SDE2: variants seen among roughly 807,000 people sequenced by gnomAD.
SDE2 encodes splicing regulator SDE2.
SDE2 carries 31 observed loss-of-function variants against 46.9 expected under a neutral mutation model. The observed-to-expected ratio is 0.66, with a 90% CI of 0.50 to 0.89. The LOEUF is 0.89. SDE2 is among the 40% of genes least tolerant of loss of function. The pLI, the probability that SDE2 is intolerant of heterozygous loss-of-function variation, is 0.00. For synonymous variants in SDE2, 205 were observed against 204.3 expected (o/e 1.00, Z -0.03); for missense variants, 542 against 564.4 (o/e 0.96, Z 0.40).
In SDE2 at chr1:225,990,852, G is replaced by A. The variant is rs1029420423; in HGVS notation, c.641+391C>T. 5.9e-5 allele frequency among the ~76,000 whole-genome samples: 9 copies of A among 152,150 alleles called. No individual in the cohort carries two copies. The South Asian group carries it at 6.2e-4, about 11-fold the overall frequency. ...CTTTTTACCCTCAAGTGCGAAAGTG[G>A]TGAAGAGAAGTCTGGCAAAGTGACC... On this transcript the variant is annotated intron_variant, in intron 5 of 6. Coordinates refer to ENST00000272091, the MANE Select transcript of SDE2 (RefSeq NM_152608.4).
intron 2 of SDE2, among the ~76,000 whole-genome samples, chr1:225,993,661 C>T (rs1256869433): frequency 6.6e-6 from 1 of 151,578 alleles, no homozygotes; most frequent in African/African-American, 2.4e-5. Context: ...CCAAGATTCT[C>T]AGATTAAGAA....
At chr1:225,996,083 T>C (rs1440682716) in intron 1 of SDE2, among the ~76,000 whole-genome samples, 1 of 152,146 alleles carries the variant, frequency 6.6e-6, no homozygotes, top group East Asian at 1.9e-4. Flanking sequence ...TATGTGATTA[T>C]AGTTCTCTAT....
intron 1 of SDE2, among the ~76,000 whole-genome samples, chr1:225,997,829 G>A (rs1311368687): frequency 6.6e-6 from 1 of 152,142 alleles, no homozygotes; most frequent in Non-Finnish European, 1.5e-5. Flanking sequence ...TTGTCAGCAA[G>A]TTTGAAAACT....
In SDE2 at chr1:225,999,207, G is replaced by A. The variant is rs374605550; in HGVS notation, c.106C>T (p.His36Tyr). Residue 36 changes from histidine to tyrosine, a missense_variant, in exon 1 of 7, where the codon CAC becomes TAC. This residue lies in a region of SDE2 where 135 missense variants were observed against 106.5 expected (regional missense o/e 1.27). Coordinates refer to ENST00000272091, the MANE Select transcript of SDE2 (RefSeq NM_152608.4). ...GAAATCCTCACCTGATCTTGGCAGTGCCGGTGGATAAAATCCCGGACGGTG... is the reference window on the plus strand; with the variant it reads ...GAAATCCTCACCTGATCTTGGCAGTACCGGTGGATAAAATCCCGGACGGTG... Reference protein sequence around the residue: ...RCTVRDFIHRHCQDQNVPVEN... With the variant: ...RCTVRDFIHRYCQDQNVPVEN... 9 of 1,612,456 alleles carry A rather than the reference G, an allele frequency of 5.6e-6. No individual in the cohort carries two copies. The highest frequency in any genetic ancestry group is 2.7e-5 in the African/African-American group (2 of 74,874).
At position 225,985,270 on chromosome 1, in the gene SDE2, T is replaced by G; in HGVS notation, c.*32A>C. ...TATGCAGGTTGTAAATGGTAGACACTATAAACAAATAGGAATCAGCTCTGA... is the reference window on the plus strand; with the variant it reads ...TATGCAGGTTGTAAATGGTAGACACGATAAACAAATAGGAATCAGCTCTGA... On this transcript the variant is annotated 3_prime_UTR_variant, in exon 7 of 7. Transcript: ENST00000272091. 2 of 1,528,298 alleles carry G rather than the reference T, an allele frequency of 1.3e-6. No homozygotes were observed. Among genetic ancestry groups the G allele is most frequent in the South Asian group, 2.2e-5 (2 of 89,324 alleles). The allele number at this position is 1,528,298 out of a possible 1,614,324, so 94.7% of individuals were successfully genotyped here.
At position 225,995,345 on chromosome 1, in the gene SDE2, T is replaced by A; in HGVS notation, c.159A>T (p.Gly53=). 6.2e-7 allele frequency: 1 copy of A among 1,612,020 alleles called. No individual in the cohort carries two copies. The highest frequency in any genetic ancestry group is 8.5e-7 in the Non-Finnish European group (1 of 1,178,276). The part of the protein sequence containing the change: ...PVENFFVKCN[G]ALINTSDTVQ... Reference sequence around the variant, plus strand: ...CTGTGTCACTGGTGTTAATGAGTGCTCCATTGCATTTCACAAAGAAGTTTT... The same window carrying A: ...CTGTGTCACTGGTGTTAATGAGTGCACCATTGCATTTCACAAAGAAGTTTT... Residue 53 remains glycine (G), a synonymous_variant, in exon 2 of 7, where the codon GGA becomes GGT. Coordinates refer to ENST00000272091, the MANE Select transcript of SDE2 (RefSeq NM_152608.4).
At position 225,984,197 on chromosome 1, in the gene SDE2, A is replaced by T. The variant is rs2102699914; in HGVS notation, c.*1105T>A. 6.6e-6 allele frequency: 1 copy of T among 152,134 alleles called. No individual in the cohort carries two copies. Among genetic ancestry groups the T allele is most frequent in the South Asian group, 2.1e-4 (1 of 4,802 alleles). The allele number at this position is 152,134 out of a possible 1,614,324, so 9.4% of individuals were successfully genotyped here. On this transcript the variant is annotated 3_prime_UTR_variant, in exon 7 of 7. Transcript: ENST00000272091. ...AGGAGGCAGAGGTTGCAGTGAGCTG[A>T]GATCGTACCATTGCACTCTAGCCTG...
chr1:225,996,293 T>C (rs767221956), intron 1 of SDE2, among the ~76,000 whole-genome samples: 1 of 152,212 alleles, frequency 6.6e-6, no homozygotes, highest in African/African-American at 2.4e-5. Flanking sequence ...AAATGAGATA[T>C]GTAATACATT....
At chr1:225,990,910 G>A (rs1244549634) in intron 5 of SDE2, among the ~76,000 whole-genome samples, 1 of 40,192 alleles carries the variant, frequency 2.5e-5, no homozygotes, top group Non-Finnish European at 6.7e-5. Flanking sequence ...AAAAACCACA[G>A]ACAACCACCT....
At chr1:225,993,692 AT>A (rs1165913321) in intron 2 of SDE2, among the ~76,000 whole-genome samples, 3 of 152,074 alleles carry the variant, frequency 2.0e-5, no homozygotes, top group Non-Finnish European at 4.4e-5. Context: ...ATATAGTGAG[AT>A]TTTTCAATGA....
Position 225,983,108 on chromosome 1 carries a change from TAC to T in SDE2, c.*2192_*2193del, listed in dbSNP as rs1327026467. 2.6e-5 allele frequency: 4 copies of T among 152,170 alleles called. No homozygotes were observed. Among genetic ancestry groups the T allele is most frequent in the Non-Finnish European group, 4.4e-5 (3 of 68,020 alleles). The allele number at this position is 152,170 out of a possible 1,614,324, so 9.4% of individuals were successfully genotyped here. A position where few individuals can be genotyped will look rare whatever the true frequency, so the allele number is the denominator to read the frequency against. ...ATTTAATGTTAAACTTATTAAAAGATACAGAGAGAACAGATAAAAATGCAAGT... is the reference window on the plus strand; with the variant it reads ...ATTTAATGTTAAACTTATTAAAAGATAGAGAGAACAGATAAAAATGCAAGT... On this transcript the variant is annotated 3_prime_UTR_variant, in exon 7 of 7. Transcript: ENST00000272091.
Position 225,992,483 on chromosome 1 carries a change from T to TA in SDE2, c.434dup (p.Glu146ArgfsTer17). 6.2e-7 allele frequency: 1 copy of TA among 1,613,000 alleles called. No individual in the cohort carries two copies. The highest frequency in any genetic ancestry group is 8.5e-7 in the Non-Finnish European group (1 of 1,179,388). On this transcript the variant is annotated frameshift_variant, in exon 4 of 7. Transcript: ENST00000272091. LOFTEE classifies it high-confidence loss of function. The stretch of plus-strand genomic sequence containing the variant: ...GGCTGGTGAAGCAGTGCTTGGGTTC[T>TA]ACAAGCTTCCGCTGCAGTCGCTCCA...
chr1:225,999,325 C>G lies in SDE2; in HGVS notation c.-13G>C, dbSNP rs1193086029. On this transcript the variant is annotated 5_prime_UTR_variant, in exon 1 of 7. Coordinates refer to ENST00000272091, the MANE Select transcript of SDE2 (RefSeq NM_152608.4). ...CGGCCTCCGCCATGTCACCGACTAC[C>G]CGAACCTCAAGCCTCTCTGAGACAC... 1.2e-6 allele frequency: 2 copies of G among 1,610,322 alleles called. No individual in the cohort carries two copies. Among genetic ancestry groups the G allele is most frequent in the South Asian group, 1.1e-5 (1 of 90,676 alleles).
At chr1:225,992,590 T>C (rs1656427396) in intron 3 of SDE2, 23 bp from the exon 4 acceptor site, 9 of 1,483,414 alleles carry the variant, frequency 6.1e-6, no homozygotes, top group Non-Finnish European at 7.5e-6. Flanking sequence ...GAGGAAGAGA[T>C]ATAACTGAAT....
chr1:225,990,075 C>CA (rs776282584), intron 5 of SDE2, among the ~76,000 whole-genome samples: 5,246 of 114,300 alleles, frequency 0.046, 138 homozygotes, highest in African/African-American at 0.098. Flanking sequence ...GAACCTGTCT[C>CA]AAAAAAAAAA....
At chr1:225,993,057 A>AGCAG (rs1477111387) in intron 2 of SDE2, 55 bp from the exon 3 acceptor site, 2 of 864,806 alleles carry the variant, frequency 2.3e-6, no homozygotes, top group Non-Finnish European at 3.8e-6. Context: ...GATGGATAAA[A>AGCAG]GCAGAATTTG....
chr1:225,989,759 T>TAC lies in SDE2; in HGVS notation c.642-1373_642-1372dup, dbSNP rs375682434. Among the ~76,000 whole-genome samples the TAC allele has an allele frequency of 8.9e-4, 135 of 151,242 alleles. 1 individual carries two copies. The highest frequency in any genetic ancestry group is 2.5e-3 in the African/African-American group (103 of 41,204). ...GGTGTTTCCCAATAATAAATATTAA[T>TAC]ACACACACACACACATTTATAAATC... is the stretch of plus-strand genomic sequence containing the variant. On this transcript the variant is annotated intron_variant, in intron 5 of 6. Coordinates refer to ENST00000272091, the MANE Select transcript of SDE2 (RefSeq NM_152608.4).
chr1:225,993,509 G>C (rs1393512023), intron 2 of SDE2, among the ~76,000 whole-genome samples: 4 of 152,092 alleles, frequency 2.6e-5, no homozygotes, highest in Non-Finnish European at 5.9e-5. Flanking sequence ...CTACTCAGGA[G>C]GCTGAGGCAG....
chr1:225,992,166 C>T (rs1212817749), intron 4 of SDE2, among the ~76,000 whole-genome samples: 2 of 151,844 alleles, frequency 1.3e-5, no homozygotes, highest in African/African-American at 2.4e-5. Flanking sequence ...GGCAACAGAC[C>T]AAGACTCCGT....
Sources: allele counts gnomAD v4.1 joint callset (sites outside exome capture counted in the v4.1 genomes callset), GRCh38; gene constraint gnomAD v4.1.1; regional missense constraint gnomAD v4.1.1; transcripts MANE v1.5; gene names NCBI Gene and HGNC (gene_info 2026-07-23, HGNC 2026-07-21).